The following BLM variants were observed in gnomAD, a reference collection of about 807,000 sequenced individuals.
The protein encoded by BLM is BLM RecQ like helicase, also known as recQ-like DNA helicase BLM.
In BLM, 95 loss-of-function variants were observed where a neutral mutation model predicts 135.3. That is an observed-to-expected ratio of 0.70 (90% confidence interval 0.59 to 0.83). The LOEUF (loss-of-function observed/expected upper bound fraction) is 0.83, where lower values mean the gene tolerates loss of function less well. Among genes scored for constraint, BLM ranks in the 40% least tolerant of loss-of-function variants. The probability of loss-of-function intolerance (pLI) is 0.00; values close to 1 mark genes in which losing one functional copy is unlikely to be tolerated. For missense variants in BLM, 1,518 were observed against 1,663.9 expected (o/e 0.91, Z 1.53); for synonymous variants, 520 against 589.2 (o/e 0.88, Z 1.70).
chr15:90,759,953 A>T, intron 5 of BLM, 194 bp from the exon 6 acceptor site: 1 of 434,180 alleles, frequency 2.3e-6, no homozygotes, highest in East Asian at 4.5e-5. Context: ...CAAGATCTTA[A>T]GACTTTTTTT....
intron 15 of BLM, 141 bp from the exon 16 acceptor site, chr15:90,794,026 A>G: frequency 1.9e-6 from 1 of 537,026 alleles, no homozygotes; most frequent in Non-Finnish European, 3.2e-6. Flanking sequence ...ATTATAATAT[A>G]GAATGCCATG....
Position 90,717,714 on chromosome 15 carries a change from G to C in BLM, c.-5+274G>C, listed in dbSNP as rs7163120. On this transcript the variant is annotated intron_variant, in intron 1 of 21. Coordinates refer to ENST00000355112, the MANE Select transcript of BLM (RefSeq NM_000057.4). ...AGCATGGGCTAGGACCTGGCATGTT[G>C]TTGCCCATATACTCCAGTGCGTAAC... Among the ~76,000 whole-genome samples, 13,985 of 152,302 alleles carry C rather than the reference G, an allele frequency of 0.092. 1,960 individuals are homozygous for C. The highest frequency in any genetic ancestry group is 0.3 in the African/African-American group (12,254 of 41,536).
intron 19 of BLM, among the ~76,000 whole-genome samples, chr15:90,805,770 A>G (rs894054219): frequency 1.3e-5 from 2 of 151,636 alleles, no homozygotes; most frequent in Non-Finnish European, 2.9e-5. Context: ...ACCTCAGGTT[A>G]TCCCCCTGCC....
chr15:90,724,173 T>C (rs1240943236), intron 1 of BLM, among the ~76,000 whole-genome samples: 1 of 151,894 alleles, frequency 6.6e-6, no homozygotes, highest in Admixed American at 6.6e-5. Flanking sequence ...CCACCATGCT[T>C]GGCTAACTTT....
At chr15:90,748,948 G>A (rs1044463423) in intron 2 of BLM, among the ~76,000 whole-genome samples, 4 of 151,592 alleles carry the variant, frequency 2.6e-5, no homozygotes, top group South Asian at 2.1e-4. Flanking sequence ...TATTAGAGGT[G>A]GGGTTTCACC....
intron 1 of BLM, among the ~76,000 whole-genome samples, chr15:90,737,375 A>G (rs1370702460): frequency 6.6e-6 from 1 of 152,222 alleles, no homozygotes; most frequent in Non-Finnish European, 1.5e-5. Context: ...AAAAGGGCCT[A>G]GGAGCAATGA....
At chr15:90,814,049 G>C (rs534334561) in intron 21 of BLM, among the ~76,000 whole-genome samples, 6 of 152,316 alleles carry the variant, frequency 3.9e-5, no homozygotes, top group Admixed American at 3.3e-4. Flanking sequence ...TTCTCAGCAG[G>C]AAATCAGCAT....
At chr15:90,779,756 A>G (rs541418897) in intron 12 of BLM, among the ~76,000 whole-genome samples, 17 of 152,370 alleles carry the variant, frequency 1.1e-4, no homozygotes, top group South Asian at 2.1e-4. Context: ...CCTTATTCTC[A>G]GTATATCTGA....
intron 15 of BLM, among the ~76,000 whole-genome samples, chr15:90,791,568 G>T (rs558082926): frequency 6.6e-6 from 1 of 151,240 alleles, no homozygotes; most frequent in African/African-American, 2.4e-5. Context: ...GTTTTTCACT[G>T]TTATCAACAA....
intron 12 of BLM, among the ~76,000 whole-genome samples, chr15:90,777,122 C>G (rs542978222): frequency 1.1e-4 from 16 of 151,500 alleles, no homozygotes; most frequent in African/African-American, 3.6e-4. Context: ...GGACTACAGG[C>G]ACATACTACC....
intron 16 of BLM, among the ~76,000 whole-genome samples, chr15:90,795,555 C>A (rs987270373): frequency 6.6e-6 from 1 of 152,160 alleles, no homozygotes; most frequent in East Asian, 1.9e-4. Flanking sequence ...AGGGTAGTCT[C>A]TCTCAGTGTG....
chr15:90,750,614 C>T (rs1895655949), intron 3 of BLM, among the ~76,000 whole-genome samples: 1 of 152,178 alleles, frequency 6.6e-6, no homozygotes, highest in Admixed American at 6.5e-5. Context: ...ACAATGCCTA[C>T]ATCATTCACC....
At chr15:90,742,526 T>G (rs1452018388) in intron 1 of BLM, among the ~76,000 whole-genome samples, 1 of 152,202 alleles carries the variant, frequency 6.6e-6, no homozygotes, top group African/African-American at 2.4e-5. Flanking sequence ...AACCAGTAAC[T>G]TTAGTGTCAC....
intron 12 of BLM, among the ~76,000 whole-genome samples, chr15:90,773,095 C>CAAAA (rs780966709): frequency 3.9e-4 from 17 of 43,424 alleles, no homozygotes; most frequent in South Asian, 1.0e-3. Flanking sequence ...GAGACTGTCT[C>CAAAA]AAAAAAAAAA....
At chr15:90,745,725 T>C (rs1424391457) in intron 1 of BLM, among the ~76,000 whole-genome samples, 1 of 152,126 alleles carries the variant, frequency 6.6e-6, no homozygotes, top group African/African-American at 2.4e-5. Context: ...GAATATACTG[T>C]ATAGTAGTGA....
chr15:90,784,483 C>A, intron 13 of BLM, among the ~76,000 whole-genome samples: 1 of 151,844 alleles, frequency 6.6e-6, no homozygotes, highest in Non-Finnish European at 1.5e-5. Flanking sequence ...CAGGTGCCCA[C>A]CACCACACCT....
At chr15:90,777,301 G>A (rs56729168) in intron 12 of BLM, among the ~76,000 whole-genome samples, 15,673 of 151,940 alleles carry the variant, frequency 0.1, 1,487 homozygotes, top group African/African-American at 0.25. Context: ...ACAGGCGCCC[G>A]CCACCATGCC....
chr15:90,728,397 T>A (rs1266785822), intron 1 of BLM, among the ~76,000 whole-genome samples: 3 of 151,900 alleles, frequency 2.0e-5, no homozygotes, highest in Non-Finnish European at 4.4e-5. Flanking sequence ...TATATATTAT[T>A]TTCTTTAAAT....
At position 90,804,154 on chromosome 15, in the gene BLM, C is replaced by A. The variant is rs368473682; in HGVS notation, c.3559-13C>A. ...ATATACCCACTCCTATGATTTGTTT[C>A]TCTCTCATAAAGGTAGACTTTATGG... On this transcript the variant is annotated splice_polypyrimidine_tract_variant and intron_variant, in intron 18 of 21. Transcript: ENST00000355112. The A allele has an allele frequency of 6.2e-7, 1 of 1,610,076 alleles. No homozygotes were observed. The highest frequency in any genetic ancestry group is 8.5e-7 in the Non-Finnish European group (1 of 1,176,680).
Sources: allele counts gnomAD v4.1 joint callset (sites outside exome capture counted in the v4.1 genomes callset), GRCh38; gene constraint gnomAD v4.1.1; transcripts MANE v1.5; gene names NCBI Gene and HGNC (gene_info 2026-07-23, HGNC 2026-07-21).